The following EYS variants were observed in gnomAD, a reference collection of about 807,000 sequenced individuals.
EYS encodes protein eyes shut homolog.
In EYS, 250 loss-of-function variants were observed where a neutral mutation model predicts 282.1. That is an observed-to-expected ratio of 0.89 (90% CI 0.80 to 0.98). The LOEUF (loss-of-function observed/expected upper bound fraction) is 0.98. Among genes scored for constraint, EYS ranks in the 50% least tolerant of loss-of-function variants. The pLI, the probability that EYS is intolerant of heterozygous loss-of-function variation, is 0.00. For missense variants in EYS, 4,016 were observed against 3,709.0 expected (o/e 1.08, Z -2.15); for synonymous variants, 1,355 against 1,282.9 (o/e 1.06, Z -1.20).
chr6:64,115,712 G>C (rs75061981), intron 31 of EYS, among the ~76,000 whole-genome samples: 10,406 of 152,164 alleles, frequency 0.068, 1,082 homozygotes, highest in African/African-American at 0.23. Context: ...TTAAACCAGT[G>C]CAAAAAGTCT....
Position 65,495,249 on chromosome 6 carries a change from G to T in EYS, c.162C>A (p.Tyr54Ter). The T allele has an allele frequency of 1.2e-6, 2 of 1,614,132 alleles. No individual in the cohort carries two copies. The highest frequency in any genetic ancestry group is 1.7e-6 in the Non-Finnish European group (2 of 1,180,010). The change falls in exon 4 of 43, where the codon TAC becomes TAA. Residue 54 changes from tyrosine to a stop codon, truncating the protein, a stop_gained. Transcript: ENST00000503581. LOFTEE classifies it high-confidence loss of function. ...TLTENICLDF[Y>*]RDCWFLGVNT... is the part of the protein sequence containing the mutation. ...TTACACCCAAAAACCAGCAATCTCT[G>T]TAGAAGTCCAAGCAGATGTTTTCTG...
At chr6:65,331,766 G>A (rs1268502802) in intron 11 of EYS, 2 of 969,078 alleles carry the variant, frequency 2.1e-6, no homozygotes, top group African/African-American at 3.5e-5. Context: ...TGTGTCTTTT[G>A]TGGCTTACTA....
intron 22 of EYS, among the ~76,000 whole-genome samples, chr6:64,670,595 T>A (rs984321776): frequency 2.0e-5 from 3 of 152,144 alleles, no homozygotes; most frequent in Non-Finnish European, 4.4e-5. Context: ...TGTATTTCAC[T>A]ACACCACAGT....
At chr6:65,398,154 C>T (rs1242534927) in intron 7 of EYS, among the ~76,000 whole-genome samples, 2 of 151,804 alleles carry the variant, frequency 1.3e-5, no homozygotes, top group Non-Finnish European at 2.9e-5. Context: ...ATTCTGAATA[C>T]TAGCCTTTTG....
At chr6:64,602,874 C>A (rs1165831813) in intron 24 of EYS, among the ~76,000 whole-genome samples, 1 of 151,872 alleles carries the variant, frequency 6.6e-6, no homozygotes, top group Non-Finnish European at 1.5e-5. Flanking sequence ...TTACAACCAC[C>A]CTACCTAAAC....
intron 1 of EYS, among the ~76,000 whole-genome samples, chr6:65,644,692 A>C (rs1420312457): frequency 6.6e-6 from 1 of 152,164 alleles, no homozygotes; most frequent in Non-Finnish European, 1.5e-5. Flanking sequence ...ATAAAGAAAA[A>C]CCTATCAGAT....
intron 22 of EYS, among the ~76,000 whole-genome samples, chr6:64,725,615 T>A (rs1338122476): frequency 6.6e-6 from 1 of 152,158 alleles, no homozygotes; most frequent in East Asian, 1.9e-4. Flanking sequence ...ATCATTGTCA[T>A]TTTGACTTCA....
At chr6:64,803,228 T>C (rs1764314123) in intron 22 of EYS, among the ~76,000 whole-genome samples, 1 of 152,082 alleles carries the variant, frequency 6.6e-6, no homozygotes, top group Non-Finnish European at 1.5e-5. Context: ...TCCAGCTCTC[T>C]GCAGAGAGCA....
intron 18 of EYS, among the ~76,000 whole-genome samples, chr6:64,898,264 A>G (rs570613887): frequency 1.5e-3 from 228 of 152,308 alleles, no homozygotes; most frequent in African/African-American, 5.2e-3. Flanking sequence ...TTTCTGCAGA[A>G]AACCCACAAG....
chr6:65,264,725 G>A (rs1767706048), intron 12 of EYS, among the ~76,000 whole-genome samples: 1 of 151,632 alleles, frequency 6.6e-6, no homozygotes, highest in Non-Finnish European at 1.5e-5. Context: ...CTGTTTAAAG[G>A]TATCATATTG....
At chr6:64,686,825 A>ATATATATGTGTATATATATATGTG (rs1770141785) in intron 22 of EYS, among the ~76,000 whole-genome samples, 8 of 17,674 alleles carry the variant, frequency 4.5e-4, no homozygotes, top group Admixed American at 7.7e-4. Flanking sequence ...ATATATGTGT[A>ATATATATGTGTATATATATATGTG]TATATATATA....
At chr6:64,986,539 A>G (rs1770865792) in intron 14 of EYS, among the ~76,000 whole-genome samples, 1 of 150,236 alleles carries the variant, frequency 6.7e-6, no homozygotes. Flanking sequence ...GTTTCCTGCA[A>G]TGTTTCCCAG....
chr6:65,396,887 C>T (rs896607344), intron 7 of EYS, among the ~76,000 whole-genome samples: 3 of 151,772 alleles, frequency 2.0e-5, no homozygotes, highest in Non-Finnish European at 2.9e-5. Context: ...ATCTGCCATC[C>T]TATCTAAGCT....
At chr6:63,793,020 C>T (rs938543462) in intron 37 of EYS, among the ~76,000 whole-genome samples, 2 of 152,152 alleles carry the variant, frequency 1.3e-5, no homozygotes, top group Admixed American at 6.5e-5. Context: ...TCAGTGATAA[C>T]GCAAAATGAG....
At chr6:64,297,310 G>T (rs561160264) in intron 30 of EYS, among the ~76,000 whole-genome samples, 1 of 152,068 alleles carries the variant, frequency 6.6e-6, no homozygotes, top group Admixed American at 6.5e-5. Context: ...CACACTTTTG[G>T]AAGCTAGCCA....
chr6:65,141,575 A>G (rs1193668652), intron 12 of EYS, among the ~76,000 whole-genome samples: 1 of 152,050 alleles, frequency 6.6e-6, no homozygotes, highest in Non-Finnish European at 1.5e-5. Flanking sequence ...CCCTAAGTGG[A>G]TAATTCTAAA....
At chr6:63,798,975 ATG>A (rs1246748914) in intron 37 of EYS, among the ~76,000 whole-genome samples, 28 of 114,088 alleles carry the variant, frequency 2.5e-4, no homozygotes, top group South Asian at 1.4e-3. Context: ...ATATATATAT[ATG>A]TATATGTGTG....
At chr6:65,226,995 G>C (rs1188113429) in intron 12 of EYS, among the ~76,000 whole-genome samples, 1 of 152,108 alleles carries the variant, frequency 6.6e-6, no homozygotes, top group African/African-American at 2.4e-5. Flanking sequence ...AGCACTTTGG[G>C]AGGCCGAGGC....
intron 12 of EYS, among the ~76,000 whole-genome samples, chr6:65,179,160 G>A (rs911326141): frequency 1.3e-5 from 2 of 151,800 alleles, no homozygotes; most frequent in African/African-American, 4.8e-5. Flanking sequence ...AACTAGAGAA[G>A]CAAGAGCAAA....
Sources: allele counts gnomAD v4.1 joint callset (sites outside exome capture counted in the v4.1 genomes callset), GRCh38; gene constraint gnomAD v4.1.1; transcripts MANE v1.5; gene names NCBI Gene and HGNC (gene_info 2026-07-23, HGNC 2026-07-21).